CPO: variants seen among roughly 807,000 people sequenced by gnomAD.
CPO encodes the protein carboxypeptidase O.
Under a neutral mutation model 41.2 loss-of-function variants are expected in CPO, and 43 were observed. The observed-to-expected ratio is 1.04, with a 90% CI of 0.82 to 1.35. CPO has a LOEUF of 1.35. Among genes scored for constraint, CPO ranks in the 40% most tolerant of loss-of-function variants. CPO has a pLI of 0.00. For synonymous variants in CPO, 178 were observed against 162.7 expected, an observed-to-expected ratio of 1.09 and a Z score of -0.72; for missense variants, 408 against 451.7, an observed-to-expected ratio of 0.90 and a Z score of 0.88.
chr2:206,965,212 T>G (rs545394666), intron 7 of CPO, among the ~76,000 whole-genome samples: 1 of 152,140 alleles, frequency 6.6e-6, no homozygotes, highest in Non-Finnish European at 1.5e-5. Context: ...ACATAAACAG[T>G]CGTCTCCAAG....
At chr2:206,942,801 G>GC (rs1469351336) in intron 1 of CPO, among the ~76,000 whole-genome samples, 1 of 152,164 alleles carries the variant, frequency 6.6e-6, no homozygotes, top group Non-Finnish European at 1.5e-5. Flanking sequence ...ACAGAGAATA[G>GC]CCTTTTCTAA....
chr2:206,965,636 C>G lies in CPO; in HGVS notation c.778-2627C>G, dbSNP rs1693558586. Among the ~76,000 whole-genome samples, 5 of 152,144 alleles carry G rather than the reference C, an allele frequency of 3.3e-5. No individual in the cohort carries two copies. In the South Asian group the frequency reaches 1.0e-3, roughly 32 times the overall value. On this transcript the variant is annotated intron_variant, in intron 7 of 8. Coordinates refer to ENST00000272852, the MANE Select transcript of CPO (RefSeq NM_173077.3). The stretch of plus-strand genomic sequence containing the variant: ...CAACCTCTGTACTCCATCCCAAGCT[C>G]TGCTGCCCCCACCCCTACTAGGCCA...
intron 3 of CPO, among the ~76,000 whole-genome samples, chr2:206,956,083 T>G (rs1693352195): frequency 6.6e-6 from 1 of 152,016 alleles, no homozygotes; most frequent in Non-Finnish European, 1.5e-5. Context: ...GATAACCAGG[T>G]CTCCAGCGTC....
At chr2:206,943,050 G>A (rs1245937041) in intron 1 of CPO, among the ~76,000 whole-genome samples, 1 of 152,140 alleles carries the variant, frequency 6.6e-6, no homozygotes, top group Non-Finnish European at 1.5e-5. Flanking sequence ...GCCTGAGGGT[G>A]TTAGGTTATC....
At chr2:206,961,502 A>G (rs1693477516) in intron 6 of CPO, among the ~76,000 whole-genome samples, 1 of 152,132 alleles carries the variant, frequency 6.6e-6, no homozygotes, top group African/African-American at 2.4e-5. Context: ...TTTTACGTAA[A>G]ATGTGAGCCA....
At chr2:206,945,885 G>A (rs939674619) in intron 1 of CPO, among the ~76,000 whole-genome samples, 10 of 151,900 alleles carry the variant, frequency 6.6e-5, no homozygotes, top group South Asian at 2.1e-4. Flanking sequence ...GCAGTCAGCC[G>A]AGATCATGCC....
rs553642921 is a variant in CPO at position 206,953,310 on chromosome 2, C to T, written c.166-2153C>T. The stretch of plus-strand genomic sequence containing the variant: ...TGTAAAATCAAAAGCAAGTTAGTTA[C>T]TTCCTAGATACAATGGGGGTACAGG... On this transcript the variant is annotated intron_variant, in intron 2 of 8. Coordinates refer to ENST00000272852, the MANE Select transcript of CPO (RefSeq NM_173077.3). Among the ~76,000 whole-genome samples the T allele has an allele frequency of 2.4e-4, 36 of 152,342 alleles. No individual in the cohort carries two copies. The South Asian group carries it at 3.7e-3, about 16-fold the overall frequency.
intron 1 of CPO, among the ~76,000 whole-genome samples, chr2:206,946,000 T>G (rs1466322009): frequency 6.6e-6 from 1 of 151,796 alleles, no homozygotes; most frequent in Non-Finnish European, 1.5e-5. Flanking sequence ...GTTAATAATC[T>G]TCTAAAACAG....
At chr2:206,942,480 A>G (rs1410851581) in intron 1 of CPO, among the ~76,000 whole-genome samples, 2 of 152,098 alleles carry the variant, frequency 1.3e-5, no homozygotes, top group Non-Finnish European at 2.9e-5. Flanking sequence ...TCATGTAACT[A>G]TTTCTTCACC....
Position 206,955,552 on chromosome 2 carries a change from G to T in CPO, c.255G>T (p.Met85Ile). The T allele has an allele frequency of 6.4e-7, 1 of 1,560,804 alleles. No homozygotes were observed. The highest frequency in any genetic ancestry group is 8.8e-7 in the Non-Finnish European group (1 of 1,131,230). Residue 85 changes from methionine to isoleucine, a missense_variant, in exon 3 of 9, where the codon ATG becomes ATT. Met to Ile is a conservative substitution (Grantham distance 10). Transcript: ENST00000272852. ...FLGVTYETHP[M>I]YYLKISQPSG... ...GAGTGACCTATGAGACCCACCCCAT[G>T]TATTATCTGAAGGTGAGTGAGAAGG...
intron 1 of CPO, among the ~76,000 whole-genome samples, chr2:206,942,323 G>A (rs1693045110): frequency 6.6e-6 from 1 of 152,066 alleles, no homozygotes; most frequent in Non-Finnish European, 1.5e-5. Flanking sequence ...TTAACTCAGG[G>A]AGGTGGAATT....
chr2:206,963,470 A>G (rs930191341), intron 7 of CPO, among the ~76,000 whole-genome samples: 2 of 152,192 alleles, frequency 1.3e-5, no homozygotes, highest in Non-Finnish European at 2.9e-5. Flanking sequence ...ATCTTGCATA[A>G]TTGAAACTAT....
In CPO at chr2:206,939,558, T is replaced by G. The variant is rs199923007; in HGVS notation, c.-42T>G. On this transcript the variant is annotated 5_prime_UTR_variant, in exon 1 of 9. Coordinates refer to ENST00000272852, the MANE Select transcript of CPO (RefSeq NM_173077.3). ...TCATTCTCAAGGACACTTGATCCAC[T>G]GCCAGAGAGGCCCAGAATTTTCTAA... 3.3e-4 allele frequency: 509 copies of G among 1,544,126 alleles called. 4 individuals are homozygous for G. Among genetic ancestry groups the G allele is most frequent in the Middle Eastern group, 1.5e-3 (9 of 5,848 alleles).
chr2:206,945,659 A>G (rs1000654063), intron 1 of CPO, among the ~76,000 whole-genome samples: 11 of 152,200 alleles, frequency 7.2e-5, no homozygotes, highest in African/African-American at 2.7e-4. Context: ...TGTTTCTCTT[A>G]GGTGTGAGCA....
intron 2 of CPO, among the ~76,000 whole-genome samples, chr2:206,953,070 A>G (rs1442559874): frequency 6.6e-6 from 1 of 152,188 alleles, no homozygotes; most frequent in Non-Finnish European, 1.5e-5. Context: ...TCTGGGGACT[A>G]TAGAAACTAC....
chr2:206,963,489 A>G (rs1039154434), intron 7 of CPO, among the ~76,000 whole-genome samples: 22 of 152,150 alleles, frequency 1.4e-4, no homozygotes, highest in African/African-American at 4.8e-4. Context: ...ATGCCTATTA[A>G]ACAACTTTCC....
chr2:206,962,516 G>A lies in CPO; in HGVS notation c.679G>A (p.Asp227Asn), dbSNP rs373203943. 413 of 1,614,012 alleles carry A rather than the reference G, an allele frequency of 2.6e-4. No individual in the cohort carries two copies. The highest frequency in any genetic ancestry group is 3.4e-4 in the Non-Finnish European group (401 of 1,179,996). ...TGCCAGCTTCATAGAGAGCAAGAAG[G>A]ATGATATTTTGTGCTTCCTGACCAT... ...AVASFIESKK[D>N]DILCFLTMHS... The change falls in exon 7 of 9, where the codon GAT (aspartate) becomes AAT (asparagine). Residue 227 changes from aspartate to asparagine, a missense_variant. Transcript: ENST00000272852.
intron 5 of CPO, among the ~76,000 whole-genome samples, 199 bp downstream of exon 5, chr2:206,959,940 C>A (rs1693447849): frequency 6.6e-6 from 1 of 152,176 alleles, no homozygotes; most frequent in South Asian, 2.1e-4. Context: ...AAGCCTAAGG[C>A]CTTTTTAGAG....
chr2:206,940,622 CTGTG>C (rs542912553), intron 1 of CPO, among the ~76,000 whole-genome samples: 10 of 151,708 alleles, frequency 6.6e-5, no homozygotes, highest in African/African-American at 2.4e-4. Context: ...CTATTGAAAT[CTGTG>C]TGTGTGTATG....
Sources: gnomAD v4.1 joint callset for allele counts (sites outside exome capture counted in the v4.1 genomes callset) on GRCh38, gnomAD v4.1.1 for gene constraint, MANE v1.5 for transcripts, NCBI Gene and HGNC (gene_info 2026-07-23, HGNC 2026-07-21) for gene names.